The following ZCWPW2 variants were observed in gnomAD, a reference collection of about 807,000 sequenced individuals.
ZCWPW2 encodes the protein zinc finger CW-type and PWWP domain containing 2, also known as zinc finger CW-type PWWP domain protein 2.
ZCWPW2 carries 45 observed loss-of-function variants against 46.6 expected under a neutral mutation model. That is an observed-to-expected ratio of 0.96 (90% confidence interval 0.76 to 1.24). The LOEUF is 1.24. Ranked by LOEUF, ZCWPW2 falls within the 50% of genes most tolerant of loss-of-function variation. The probability of loss-of-function intolerance (pLI) is 0.00; values close to 1 mark genes in which losing one functional copy is unlikely to be tolerated. For synonymous variants in ZCWPW2, 152 were observed against 137.1 expected (o/e 1.11, Z -0.76); for missense variants, 429 against 403.9 (o/e 1.06, Z -0.53).
In ZCWPW2 at chr3:28,374,598, A is replaced by G. The variant is rs139583729; in HGVS notation, c.-133-15900A>G. On this transcript the variant is annotated intron_variant, in intron 1 of 9. Coordinates refer to ENST00000383768, the MANE Select transcript of ZCWPW2 (RefSeq NM_001040432.4). ...CATTTTAATGGTATTAATTTTTGCAAACTATGAGTATGGGATGTCTTTTCA... is the reference window on the plus strand; with the variant it reads ...CATTTTAATGGTATTAATTTTTGCAGACTATGAGTATGGGATGTCTTTTCA... Among the ~76,000 whole-genome samples the G allele has an allele frequency of 2.5e-3, 387 of 152,156 alleles. 1 individual carries two copies. Among genetic ancestry groups the G allele is most frequent in the African/African-American group, 8.4e-3 (351 of 41,542 alleles).
intron 1 of ZCWPW2, among the ~76,000 whole-genome samples, chr3:28,372,550 T>C (rs1705370488): frequency 1.3e-5 from 2 of 152,246 alleles, no homozygotes; most frequent in South Asian, 2.1e-4. Flanking sequence ...TTGATATTAA[T>C]ACATTTTGAA....
At chr3:28,474,620 T>TGTGTGTCC (rs777191108) in intron 4 of ZCWPW2, among the ~76,000 whole-genome samples, 8 of 121,630 alleles carry the variant, frequency 6.6e-5, no homozygotes, top group African/African-American at 2.3e-4. Context: ...TGTGTGTGTG[T>TGTGTGTCC]GCGCGCGCGC....
At chr3:28,470,488 G>A (rs1434945746) in intron 4 of ZCWPW2, among the ~76,000 whole-genome samples, 1 of 124,164 alleles carries the variant, frequency 8.1e-6, no homozygotes, top group Admixed American at 9.0e-5. Context: ...GCGAGACTCC[G>A]TCTTAAAAAA....
chr3:28,514,762 G>GA (rs535019492), intron 7 of ZCWPW2, among the ~76,000 whole-genome samples: 278 of 152,264 alleles, frequency 1.8e-3, no homozygotes, highest in African/African-American at 6.4e-3. Context: ...ATGTAAACCA[G>GA]AAACAGGTTT....
In ZCWPW2 at chr3:28,395,524, C is replaced by T. The variant is rs150125926; in HGVS notation, c.-14+4907C>T. Among the ~76,000 whole-genome samples, 387 of 152,130 alleles carry T rather than the reference C, an allele frequency of 2.5e-3. 1 individual carries two copies. The highest frequency in any genetic ancestry group is 8.5e-3 in the African/African-American group (351 of 41,516). On this transcript the variant is annotated intron_variant, in intron 2 of 9. Coordinates refer to ENST00000383768, the MANE Select transcript of ZCWPW2 (RefSeq NM_001040432.4). ...AAACAAACTAATGTCCATCAACAGA[C>T]AAATGGATAAAGAAAATGTGGCTTT...
At chr3:28,503,208 CA>C (rs1229685735) in intron 6 of ZCWPW2, among the ~76,000 whole-genome samples, 1 of 152,134 alleles carries the variant, frequency 6.6e-6, no homozygotes, top group Non-Finnish European at 1.5e-5. Context: ...TATGATTCCA[CA>C]AAATGTGGCT....
At chr3:28,479,030 C>A in intron 5 of ZCWPW2, 99 bp downstream of exon 5, 1 of 717,132 alleles carries the variant, frequency 1.4e-6, no homozygotes, top group African/African-American at 1.9e-5. Flanking sequence ...CTATCTCTTT[C>A]TCTTCATAGG....
At chr3:28,387,024 C>T (rs1331622269) in intron 1 of ZCWPW2, among the ~76,000 whole-genome samples, 4 of 152,190 alleles carry the variant, frequency 2.6e-5, no homozygotes, top group African/African-American at 4.8e-5. Context: ...TACCGAAGGT[C>T]CTGTTTTCCC....
intron 4 of ZCWPW2, among the ~76,000 whole-genome samples, chr3:28,478,136 A>T (rs1280008830): frequency 1.3e-5 from 2 of 152,208 alleles, no homozygotes; most frequent in East Asian, 3.8e-4. Flanking sequence ...GTTATCATTC[A>T]CAGTTTTTAG....
chr3:28,426,938 A>C (rs1697037439), intron 3 of ZCWPW2, among the ~76,000 whole-genome samples: 1 of 152,218 alleles, frequency 6.6e-6, no homozygotes, highest in Admixed American at 6.5e-5. Context: ...TTTCTACTGG[A>C]TAACAAATAT....
chr3:28,479,670 C>T (rs771660921), intron 5 of ZCWPW2, among the ~76,000 whole-genome samples: 15 of 152,122 alleles, frequency 9.9e-5, no homozygotes, highest in Non-Finnish European at 1.6e-4. Flanking sequence ...TCCTTTTCCT[C>T]CTCCCACCTT....
intron 6 of ZCWPW2, among the ~76,000 whole-genome samples, chr3:28,505,514 C>T (rs1206479029): frequency 6.6e-6 from 1 of 152,066 alleles, no homozygotes; most frequent in Admixed American, 6.6e-5. Flanking sequence ...AAGTTGAAAG[C>T]AATCATTGTC....
chr3:28,446,908 T>A lies in ZCWPW2; in HGVS notation c.492+11639T>A, dbSNP rs142398896. ...GACAGTTATACAGCAATGAATTGGA[T>A]AACCTAGACAAAATGGACAAATTCC... On this transcript the variant is annotated intron_variant, in intron 4 of 9. Coordinates refer to ENST00000383768, the MANE Select transcript of ZCWPW2 (RefSeq NM_001040432.4). 4.2e-3 allele frequency among the ~76,000 whole-genome samples: 633 copies of A among 152,166 alleles called. 2 individuals carry two copies. Among genetic ancestry groups the A allele is most frequent in the Middle Eastern group, 0.014 (4 of 294 alleles).
chr3:28,381,050 G>GTATATA (rs60041322), intron 1 of ZCWPW2, among the ~76,000 whole-genome samples: 255 of 12,050 alleles, frequency 0.021, 30 homozygotes, highest in East Asian at 0.086. Flanking sequence ...TATATTTGGT[G>GTATATA]TATATATATA....
intron 6 of ZCWPW2, among the ~76,000 whole-genome samples, chr3:28,502,192 T>C (rs572059346): frequency 6.6e-6 from 1 of 152,228 alleles, no homozygotes; most frequent in South Asian, 2.1e-4. Flanking sequence ...AAGATTTACC[T>C]CTTTTATCTT....
intron 1 of ZCWPW2, among the ~76,000 whole-genome samples, chr3:28,357,420 A>C (rs1704778641): frequency 6.6e-6 from 1 of 152,138 alleles, no homozygotes; most frequent in Non-Finnish European, 1.5e-5. Flanking sequence ...TATTTGGTTA[A>C]ACATTATTTT....
At chr3:28,514,185 G>A in intron 7 of ZCWPW2, 63 bp downstream of exon 7, 1 of 1,123,500 alleles carries the variant, frequency 8.9e-7, no homozygotes, top group South Asian at 1.6e-5. Flanking sequence ...ATTTAGTTTA[G>A]AAACACCCCG....
At chr3:28,372,820 G>A (rs1705377297) in intron 1 of ZCWPW2, among the ~76,000 whole-genome samples, 1 of 152,034 alleles carries the variant, frequency 6.6e-6, no homozygotes, top group African/African-American at 2.4e-5. Context: ...ATTCCCCTCT[G>A]TAGCTCCATG....
chr3:28,416,776 T>A (rs1411988757), intron 3 of ZCWPW2, among the ~76,000 whole-genome samples: 1 of 89,236 alleles, frequency 1.1e-5, no homozygotes, highest in Admixed American at 1.4e-4. Context: ...GAGATAATCA[T>A]GTGGTTTCTG....
Sources: allele counts gnomAD v4.1 joint callset (sites outside exome capture counted in the v4.1 genomes callset), GRCh38; gene constraint gnomAD v4.1.1; transcripts MANE v1.5; gene names NCBI Gene and HGNC (gene_info 2026-07-23, HGNC 2026-07-21).